MRE11: variants seen among roughly 807,000 people sequenced by gnomAD.
The protein encoded by MRE11 is double-strand break repair protein MRE11.
In MRE11, 62 loss-of-function variants were observed where a neutral mutation model predicts 91.7. The observed-to-expected ratio is 0.68, with a 90% CI of 0.55 to 0.84. The LOEUF (loss-of-function observed/expected upper bound fraction) is 0.84. Among genes scored for constraint, MRE11 ranks in the 40% least tolerant of loss-of-function variants. The pLI is 0.00. For missense variants in MRE11, 796 were observed against 852.9 expected, an observed-to-expected ratio of 0.93 and a Z score of 0.83; for synonymous variants, 273 against 271.4, an observed-to-expected ratio of 1.01 and a Z score of -0.06.
chr11:94,496,852 G>A, upstream of MRE11: 4 of 1,613,740 alleles, frequency 2.5e-6, no homozygotes, highest in South Asian at 3.3e-5. Flanking sequence ...ATGAAGATGA[G>A]GAGCAAGATG....
At chr11:94,475,372 A>AG (rs1359521677) in intron 7 of MRE11, 4 of 305,124 alleles carry the variant, frequency 1.3e-5, no homozygotes, top group African/African-American at 8.6e-5. Context: ...ATTTTATTCA[A>AG]GGGATTTCAG....
chr11:94,421,973 T>G (rs1479813932), intron 19 of MRE11, among the ~76,000 whole-genome samples: 6 of 152,190 alleles, frequency 3.9e-5, no homozygotes, highest in Non-Finnish European at 8.8e-5. Context: ...GTGCTGAAGA[T>G]CTGTTTAATA....
In MRE11 at chr11:94,445,824, A is replaced by C. The variant is rs748933763; in HGVS notation, c.1853T>G (p.Met618Arg). 1.9e-6 allele frequency: 3 copies of C among 1,610,430 alleles called. No homozygotes were observed. Among genetic ancestry groups the C allele is most frequent in the Admixed American group, 3.3e-5 (2 of 60,000 alleles). ...TCTATACTCACCATCTATAATAGAC[A>C]TATTTCTAGATGCTGACACAGCAGT... Reference protein sequence around the residue: ...SKTAVSASRNMSIIDAFKSTR... With the variant: ...SKTAVSASRNRSIIDAFKSTR... The change falls in exon 16 of 20, where the codon ATG (methionine) becomes AGG (arginine). Residue 618 changes from methionine (M) to arginine (R), a missense_variant. By Grantham distance (91) the Met-to-Arg change is moderately conservative (BLOSUM62 -1). Transcript: ENST00000323929.
chr11:94,437,298 T>C lies in MRE11; in HGVS notation c.1868-63A>G, dbSNP rs935563936. 2.0e-6 allele frequency: 3 copies of C among 1,507,638 alleles called. No homozygotes were observed. The African/African-American group carries it at 4.2e-5, about 21-fold the overall frequency. The allele number at this position is 1,507,638 out of a possible 1,614,324, so 93.4% of individuals were successfully genotyped here. On this transcript the variant is annotated intron_variant, in intron 16 of 19. Transcript: ENST00000323929. ...TTAAAATAACTTAGAAAAACTTGCA[T>C]ACTTCTTTAGCTAAAGATTTTCTGA...
At chr11:94,467,697 T>A in intron 10 of MRE11, 116 bp downstream of exon 10, 1 of 862,560 alleles carries the variant, frequency 1.2e-6, no homozygotes, top group Admixed American at 2.0e-5. Flanking sequence ...CCGATGGTGA[T>A]TGCTCTTCTT....
chr11:94,503,406 A>G, the MRE11 span, among the ~76,000 whole-genome samples: 1 of 152,158 alleles, frequency 6.6e-6, no homozygotes, highest in African/African-American at 2.4e-5. Context: ...CCAAAGCAAT[A>G]TTTAAAAAGA....
At chr11:94,479,019 C>A (rs1946947958) in intron 5 of MRE11, 143 bp from the exon 6 acceptor site, 3 of 879,318 alleles carry the variant, frequency 3.4e-6, no homozygotes, top group Non-Finnish European at 5.3e-6. Context: ...AACAAAATTA[C>A]AATAGTAAAA....
chr11:94,512,017 G>C, the MRE11 span, among the ~76,000 whole-genome samples: 44 of 152,348 alleles, frequency 2.9e-4, no homozygotes, highest in Admixed American at 1.1e-3. Flanking sequence ...ATCACGTTGC[G>C]TGTGTGTAGC....
At chr11:94,482,468 C>T (rs752346948) in intron 4 of MRE11, among the ~76,000 whole-genome samples, 21 of 152,104 alleles carry the variant, frequency 1.4e-4, no homozygotes, top group Non-Finnish European at 2.4e-4. Context: ...CATGAAAAAA[C>T]TACTGAAAAC....
At chr11:94,512,120 T>C in the MRE11 span, among the ~76,000 whole-genome samples, 5 of 152,174 alleles carry the variant, frequency 3.3e-5, no homozygotes, top group African/African-American at 1.2e-4. Context: ...AACTTTTCTG[T>C]TCTGGGCAGT....
chr11:94,465,395 CTTTTTTTTT>C (rs752729940), intron 10 of MRE11, among the ~76,000 whole-genome samples: 32 of 127,944 alleles, frequency 2.5e-4, no homozygotes, highest in African/African-American at 8.9e-4. Context: ...CTCTCTCTCT[CTTTTTTTTT>C]TTTTTTTTTT....
intron 14 of MRE11, among the ~76,000 whole-genome samples, chr11:94,449,433 T>C (rs1017495658): frequency 6.6e-6 from 1 of 152,254 alleles, no homozygotes; most frequent in African/African-American, 2.4e-5. Context: ...CCAAAATTTC[T>C]CTGTAACCCT....
intron 19 of MRE11, among the ~76,000 whole-genome samples, chr11:94,429,129 A>G (rs1477859387): frequency 6.6e-6 from 1 of 152,236 alleles, no homozygotes; most frequent in African/African-American, 2.4e-5. Context: ...ATGTAAATCA[A>G]AACCACAATG....
chr11:94,422,409 G>C (rs1945195420), intron 19 of MRE11, among the ~76,000 whole-genome samples: 1 of 152,030 alleles, frequency 6.6e-6, no homozygotes, highest in African/African-American at 2.4e-5. Context: ...TCACCACCAT[G>C]CGCCACCCTC....
At chr11:94,498,655 T>G, upstream of MRE11, 1 of 821,086 alleles carries the variant, frequency 1.2e-6, no homozygotes, top group South Asian at 1.8e-5. Flanking sequence ...CATTATAACA[T>G]TCTTCCAAGT....
intron 18 of MRE11, 44 bp downstream of exon 18, chr11:94,435,788 A>G (rs182252794): frequency 2.6e-6 from 4 of 1,529,110 alleles, no homozygotes; most frequent in Non-Finnish European, 1.8e-6. Context: ...GATAATTTTT[A>G]ATTTTTTTCA....
At chr11:94,472,924 TGTCA>T (rs1946754668) in intron 7 of MRE11, 2 of 152,090 alleles carry the variant, frequency 1.3e-5, no homozygotes, top group South Asian at 4.1e-4. Flanking sequence ...ATGTATAACT[TGTCA>T]GTTAGTGATA....
intron 7 of MRE11, among the ~76,000 whole-genome samples, chr11:94,474,217 T>A (rs1946793097): frequency 6.6e-6 from 1 of 151,994 alleles, no homozygotes; most frequent in Non-Finnish European, 1.5e-5. Flanking sequence ...AAATATCAGG[T>A]TGGTGCAAAA....
chr11:94,450,997 T>A lies in MRE11; in HGVS notation c.1564-3559A>T, dbSNP rs941805175. Among the ~76,000 whole-genome samples the A allele has an allele frequency of 4.0e-5, 6 of 151,702 alleles. 1 individual carries two copies. The Middle Eastern group carries it at 0.01, about 258-fold the overall frequency. ...AGAGGGACGGGCGTAGAGGCTCACA[T>A]CTCTAATACTAGCACTACAGGTGTA... On this transcript the variant is annotated intron_variant, in intron 14 of 19. Coordinates refer to ENST00000323929, the MANE Select transcript of MRE11 (RefSeq NM_005591.4).
Sources: gnomAD v4.1 joint callset for allele counts (sites outside exome capture counted in the v4.1 genomes callset) on GRCh38, gnomAD v4.1.1 for gene constraint, MANE v1.5 for transcripts, NCBI Gene and HGNC (gene_info 2026-07-23, HGNC 2026-07-21) for gene names.